HNF4A: variants seen among roughly 807,000 people sequenced by gnomAD.
HNF4A encodes hepatocyte nuclear factor 4 alpha, also known as hepatocyte nuclear factor 4-alpha.
A neutral mutation model predicts 52.4 loss-of-function variants in HNF4A; 15 were observed. The ratio of observed to expected loss-of-function variants is 0.29; its 90% confidence interval spans 0.19 to 0.44. HNF4A has a LOEUF of 0.44. Ranked by LOEUF, HNF4A falls within the 20% of genes least tolerant of loss-of-function variation. HNF4A has a pLI of 1.00. For missense variants in HNF4A, 479 were observed against 647.2 expected, an observed-to-expected ratio of 0.74 and a Z score of 2.82; for synonymous variants, 280 against 264.4, an observed-to-expected ratio of 1.06 and a Z score of -0.57.
At position 44,414,624 on chromosome 20, in the gene HNF4A, T is replaced by C. The variant is rs1222461881; in HGVS notation, c.610T>C (p.Tyr204His). The stretch of plus-strand genomic sequence containing the variant: ...GCTGGTTCTCGTTGAGTGGGCCAAG[T>C]ACATCCCAGCTTTCTGCGAGCTCCC... The change falls in exon 5 of 10, where the codon TAC becomes CAC. Residue 204 changes from tyrosine to histidine, a missense_variant. By Grantham distance (83) the Tyr-to-His change is moderately conservative. Around this residue, in one of 3 missense-constraint regions of HNF4A, gnomAD observed 389 missense variants for 525.1 expected, o/e 0.74. Transcript: ENST00000316099. 3.7e-6 allele frequency: 6 copies of C among 1,613,586 alleles called. No individual in the cohort carries two copies. Among genetic ancestry groups the C allele is most frequent in the Non-Finnish European group, 4.2e-6 (5 of 1,179,750 alleles).
At chr20:44,385,437 C>T (rs1047410855) in intron 1 of HNF4A, among the ~76,000 whole-genome samples, 12 of 151,978 alleles carry the variant, frequency 7.9e-5, no homozygotes, top group Non-Finnish European at 1.5e-4. Context: ...CATAGCAAGA[C>T]ACCTCCCCCC....
intron 5 of HNF4A, among the ~76,000 whole-genome samples, 174 bp from the exon 6 acceptor site, chr20:44,418,251 T>TTC (rs1211476397): frequency 1.3e-5 from 2 of 152,178 alleles, no homozygotes; most frequent in African/African-American, 4.8e-5. Context: ...CACATGTTCT[T>TTC]TCCCCTTCCA....
intron 3 of HNF4A, 35 bp from the exon 4 acceptor site, chr20:44,413,659 G>T (rs759529624): frequency 3.9e-6 from 6 of 1,520,696 alleles, no homozygotes; most frequent in Non-Finnish European, 4.5e-6. Context: ...CTCCATCCCT[G>T]TTCTCCCTCC....
intron 1 of HNF4A, among the ~76,000 whole-genome samples, chr20:44,367,400 C>T (rs1339868810): frequency 6.6e-6 from 1 of 151,216 alleles, no homozygotes; most frequent in East Asian, 1.9e-4. Context: ...AATCCCAGCA[C>T]TTTGAGAGGC....
chr20:44,379,732 T>TG (rs1284319887), intron 1 of HNF4A, among the ~76,000 whole-genome samples: 1 of 34,950 alleles, frequency 2.9e-5, no homozygotes, highest in African/African-American at 1.1e-4. Context: ...TTCTTTTCCT[T>TG]TTTTTTTTTT....
chr20:44,428,569 G>C, intron 9 of HNF4A, 82 bp downstream of exon 9: 1 of 1,369,258 alleles, frequency 7.3e-7, no homozygotes, highest in South Asian at 1.2e-5. Flanking sequence ...GAGTCTAGAA[G>C]GTAGAACCAG....
intron 1 of HNF4A, among the ~76,000 whole-genome samples, chr20:44,376,566 T>A (rs2146226611): frequency 6.6e-6 from 1 of 152,306 alleles, no homozygotes; most frequent in Non-Finnish European, 1.5e-5. Context: ...GTTGTTTGTT[T>A]GTTTGTTTGT....
At chr20:44,407,208 C>G (rs149344269) in intron 2 of HNF4A, among the ~76,000 whole-genome samples, 173 bp from the exon 3 acceptor site, 45 of 152,248 alleles carry the variant, frequency 3.0e-4, no homozygotes, top group African/African-American at 1.1e-3. Flanking sequence ...GGACTGGGCT[C>G]TTAGAGAGTT....
intron 1 of HNF4A, among the ~76,000 whole-genome samples, chr20:44,369,904 C>T (rs542099885): frequency 9.8e-5 from 15 of 152,306 alleles, no homozygotes; most frequent in South Asian, 6.2e-4. Context: ...TGAGCCGCCG[C>T]GCCCGGCCCT....
chr20:44,401,927 T>C (rs1046994190), intron 1 of HNF4A, among the ~76,000 whole-genome samples: 2 of 151,946 alleles, frequency 1.3e-5, no homozygotes, highest in Non-Finnish European at 2.9e-5. Context: ...GTTGGAGACA[T>C]AACCGCATTT....
chr20:44,383,244 A>C (rs536012309), intron 1 of HNF4A, among the ~76,000 whole-genome samples: 1 of 152,330 alleles, frequency 6.6e-6, no homozygotes, highest in African/African-American at 2.4e-5. Context: ...CCTCCATAGC[A>C]CTCACTAAGT....
chr20:44,433,335 T>G (rs117681758), downstream of HNF4A: 3,550 of 158,238 alleles, frequency 0.022, 68 homozygotes, highest in South Asian at 0.047. Context: ...TGGGGACATT[T>G]CATAAAAGCA....
chr20:44,367,637 C>T (rs2062983325), intron 1 of HNF4A, among the ~76,000 whole-genome samples: 1 of 112,852 alleles, frequency 8.9e-6, no homozygotes, highest in South Asian at 2.6e-4. Flanking sequence ...AACACTCCGT[C>T]TCAAAAAAAA....
intron 2 of HNF4A, 51 bp from the exon 3 acceptor site, chr20:44,407,330 A>C (rs748208417): frequency 7.3e-7 from 1 of 1,372,116 alleles, no homozygotes; most frequent in South Asian, 1.2e-5. Context: ...GTTCTGTCCT[A>C]AGAGGAGGAA....
intron 8 of HNF4A, among the ~76,000 whole-genome samples, chr20:44,426,432 G>A (rs1023648488): frequency 1.3e-5 from 2 of 152,116 alleles, no homozygotes; most frequent in South Asian, 2.1e-4. Context: ...CTATGAAGGG[G>A]AGTATGAAGG....
At chr20:44,421,685 C>A (rs1363304701) in intron 7 of HNF4A, among the ~76,000 whole-genome samples, 1 of 151,056 alleles carries the variant, frequency 6.6e-6, no homozygotes, top group Non-Finnish European at 1.5e-5. Context: ...ACCTGGGAGG[C>A]GGGGGTTGCA....
chr20:44,401,543 C>T lies in HNF4A; in HGVS notation c.115+56C>T, dbSNP rs965224764. 5.6e-6 allele frequency: 9 copies of T among 1,602,596 alleles called. No individual in the cohort carries two copies. The African/African-American group carries it at 1.2e-4, about 21-fold the overall frequency. On this transcript the variant is annotated intron_variant, in intron 1 of 9. Coordinates refer to ENST00000316099, the MANE Select transcript of HNF4A (RefSeq NM_000457.6). ...CAGTGGGGGCAGGTGTGCCTGGGTC[C>T]AGGAGCAGATCTTTGGCACTCAACT...
Position 44,355,871 on chromosome 20 carries a change from A to G in HNF4A, c.49+18A>G. On this transcript the variant is annotated intron_variant, in intron 1 of 9. Transcript: ENST00000316673. ...TTCTTACGGTAAGTGGGGCTGGGGG[A>G]AGACTGGACAGGGCGGGACTGCGGT... 1 of 1,607,426 alleles carries G rather than the reference A, an allele frequency of 6.2e-7. No homozygotes were observed. Among genetic ancestry groups the G allele is most frequent in the East Asian group, 2.2e-5 (1 of 44,684 alleles).
chr20:44,378,241 A>G lies in HNF4A; in HGVS notation c.49+22388A>G, dbSNP rs561503787. Among the ~76,000 whole-genome samples the G allele has an allele frequency of 6.7e-5, 10 of 150,092 alleles. No homozygotes were observed. The South Asian group carries it at 1.3e-3, about 19-fold the overall frequency. ...CCTTATCAATTTGTAGGCATTTTTT[A>G]GCACTCTTAGAAACATCTTTTATGC... On this transcript the variant is annotated intron_variant, in intron 1 of 9. Transcript: ENST00000316673.
Sources: allele counts gnomAD v4.1 joint callset (sites outside exome capture counted in the v4.1 genomes callset), GRCh38; gene constraint gnomAD v4.1.1; regional missense constraint gnomAD v4.1.1; transcripts MANE v1.5; gene names NCBI Gene and HGNC (gene_info 2026-07-23, HGNC 2026-07-21).